HMCN1: variants seen among roughly 807,000 people sequenced by gnomAD.
HMCN1 encodes hemicentin 1, also known as hemicentin-1.
Under a neutral mutation model 625.9 loss-of-function variants are expected in HMCN1, and 321 were observed. The observed-to-expected ratio is 0.51, with a 90% CI of 0.47 to 0.56. The LOEUF is 0.56. HMCN1 is among the 20% of genes least tolerant of loss of function. The pLI is 0.00. For missense variants in HMCN1, 6,588 were observed against 6,887.3 expected, an observed-to-expected ratio of 0.96 and a Z score of 1.54; for synonymous variants, 2,425 against 2,417.6, an observed-to-expected ratio of 1.00 and a Z score of -0.09.
intron 1 of HMCN1, among the ~76,000 whole-genome samples, chr1:185,819,246 A>G (rs1385662423): frequency 6.6e-6 from 1 of 152,084 alleles, no homozygotes; most frequent in Non-Finnish European, 1.5e-5. Context: ...TCAAAAAAAA[A>G]AAAAAGGACC....
Position 186,016,952 on chromosome 1 carries a change from T to C in HMCN1, c.5192-11T>C, listed in dbSNP as rs1314715467. On this transcript the variant is annotated splice_polypyrimidine_tract_variant and intron_variant, in intron 32 of 106. Coordinates refer to ENST00000271588, the MANE Select transcript of HMCN1 (RefSeq NM_031935.3). The stretch of plus-strand genomic sequence containing the variant: ...CATTTCTTTGCATGTTACATTCCTG[T>C]TGTTTTCTAGTGCCACCAGCTATAG... The C allele has an allele frequency of 1.4e-6, 2 of 1,468,560 alleles. No homozygotes were observed. The highest frequency in any genetic ancestry group is 3.4e-5 in the Admixed American group (2 of 59,700). The allele number at this position is 1,468,560 out of a possible 1,614,324, so 91.0% of individuals were successfully genotyped here.
intron 21 of HMCN1, 121 bp downstream of exon 21, chr1:185,989,768 TTC>T: frequency 4.1e-5 from 36 of 874,502 alleles, no homozygotes; most frequent in Non-Finnish European, 5.4e-5. Flanking sequence ...TCCCCCAGAT[TTC>T]TATTTTTTTT....
intron 1 of HMCN1, among the ~76,000 whole-genome samples, chr1:185,811,633 A>T (rs1165798087): frequency 3.3e-5 from 5 of 151,784 alleles, no homozygotes; most frequent in African/African-American, 7.2e-5. Context: ...AGGTGTGTGG[A>T]TTTGTTGGTA....
intron 1 of HMCN1, among the ~76,000 whole-genome samples, chr1:185,799,866 G>A (rs556614270): frequency 6.6e-6 from 1 of 152,304 alleles, no homozygotes; most frequent in Admixed American, 6.5e-5. Flanking sequence ...CAGGTGATGG[G>A]TGGGGCTATG....
intron 2 of HMCN1, among the ~76,000 whole-genome samples, chr1:185,856,617 G>A (rs530281202): frequency 6.6e-6 from 1 of 152,104 alleles, no homozygotes; most frequent in South Asian, 2.1e-4. Context: ...TGAAAAGGAT[G>A]TAGTCTGACT....
intron 71 of HMCN1, among the ~76,000 whole-genome samples, chr1:186,110,427 A>G (rs1163700416): frequency 6.6e-6 from 1 of 152,208 alleles, no homozygotes; most frequent in Non-Finnish European, 1.5e-5. Flanking sequence ...AAGCCAAGGA[A>G]AAGTGGAGGG....
In HMCN1 at chr1:185,780,195, T is replaced by A. The variant is rs550043943; in HGVS notation, c.268+45148T>A. Among the ~76,000 whole-genome samples the A allele has an allele frequency of 3.2e-3, 486 of 152,292 alleles. 1 individual carries two copies. Among genetic ancestry groups the A allele is most frequent in the African/African-American group, 0.011 (467 of 41,560 alleles). ...ATGCTTGTGATTTTTGTGCATTGAT[T>A]TTGTATCCTGAGACTTTGCTGAAGT... On this transcript the variant is annotated intron_variant, in intron 1 of 106. Transcript: ENST00000271588.
rs149901829 is a variant in HMCN1 at position 186,062,595 on chromosome 1, T to A, written c.7508T>A (p.Val2503Glu). ...CAGAGTGTTACGCTGACTTGTGAAG[T>A]GACAGGTATGGGCTCAGCTCTCAGA... ...EKQSVTLTCE[V>E]TGNPVPEITW... Residue 2503 changes from valine to glutamate, a missense_variant, in exon 48 of 107, where the codon GTG (valine) becomes GAG (glutamate). Val to Glu is a moderately radical substitution (Grantham distance 121, BLOSUM62 -2). This residue lies in a region of HMCN1 where 4,628 missense variants were observed against 4,853.1 expected (regional missense o/e 0.95). Coordinates refer to ENST00000271588, the MANE Select transcript of HMCN1 (RefSeq NM_031935.3). The A allele has an allele frequency of 3.1e-6, 5 of 1,606,388 alleles. No individual in the cohort carries two copies. The highest frequency in any genetic ancestry group is 3.4e-6 in the Non-Finnish European group (4 of 1,173,312).
chr1:186,073,133 C>T (rs966689035), intron 52 of HMCN1, among the ~76,000 whole-genome samples: 2 of 152,112 alleles, frequency 1.3e-5, no homozygotes, highest in Non-Finnish European at 2.9e-5. Flanking sequence ...GATTAAGCCT[C>T]AGGGTACTCC....
chr1:186,044,537 A>G (rs1470518020), intron 40 of HMCN1, among the ~76,000 whole-genome samples: 1 of 152,166 alleles, frequency 6.6e-6, no homozygotes, highest in Non-Finnish European at 1.5e-5. Flanking sequence ...ATCTTGCCAC[A>G]TGCTGGTGAA....
In HMCN1 at chr1:186,120,040, G is replaced by T. The variant is rs149097353; in HGVS notation, c.12124G>T (p.Gly4042Cys). 4 of 1,613,802 alleles carry T rather than the reference G, an allele frequency of 2.5e-6. No homozygotes were observed. The highest frequency in any genetic ancestry group is 3.3e-5 in the Admixed American group (2 of 59,974). ...AAACCATGCAGTTCTTCCTAGTGGC[G>T]GCTTACAGATCTCCAGAGCTGTCCG... ...GRNHAVLPSGGLQISRAVRED... is the reference protein window; with the variant it reads ...GRNHAVLPSGCLQISRAVRED... Residue 4042 changes from glycine (G) to cysteine (C), a missense_variant, in exon 80 of 107, where the codon GGC becomes TGC. Coordinates refer to ENST00000271588, the MANE Select transcript of HMCN1 (RefSeq NM_031935.3).
chr1:185,764,515 G>C (rs1263654920), intron 1 of HMCN1, among the ~76,000 whole-genome samples: 3 of 152,054 alleles, frequency 2.0e-5, no homozygotes, highest in African/African-American at 7.2e-5. Context: ...ATTTTCTTTT[G>C]AGTATCACTC....
At chr1:185,741,706 TGG>T (rs768544199) in intron 1 of HMCN1, among the ~76,000 whole-genome samples, 3 of 152,186 alleles carry the variant, frequency 2.0e-5, no homozygotes, top group Non-Finnish European at 4.4e-5. Context: ...AAGAACTAAT[TGG>T]TCACTTAAAA....
At chr1:186,017,470 G>A (rs1558147403) in intron 33 of HMCN1, among the ~76,000 whole-genome samples, 1 of 151,832 alleles carries the variant, frequency 6.6e-6, no homozygotes, top group Admixed American at 6.6e-5. Flanking sequence ...GTTAACATGA[G>A]TATGTGTTTA....
At chr1:186,033,244 A>G (rs1257816098) in intron 36 of HMCN1, among the ~76,000 whole-genome samples, 1 of 152,190 alleles carries the variant, frequency 6.6e-6, no homozygotes, top group Non-Finnish European at 1.5e-5. Context: ...GAGCTAAGCC[A>G]TGAGGATGCA....
At chr1:186,132,459 C>G in intron 86 of HMCN1, 50 bp downstream of exon 86, 1 of 1,334,542 alleles carries the variant, frequency 7.5e-7, no homozygotes, top group Non-Finnish European at 1.1e-6. Flanking sequence ...GAAATATTAC[C>G]TAATAAAGAG....
chr1:186,040,131 T>A (rs1326602496), intron 39 of HMCN1, among the ~76,000 whole-genome samples: 1 of 152,174 alleles, frequency 6.6e-6, no homozygotes, highest in Non-Finnish European at 1.5e-5. Context: ...GTTTTGGATA[T>A]TTGTTGTTTT....
At chr1:185,742,974 A>G (rs1654089071) in intron 1 of HMCN1, among the ~76,000 whole-genome samples, 2 of 152,142 alleles carry the variant, frequency 1.3e-5, no homozygotes, top group Admixed American at 6.5e-5. Context: ...CCAAGAAATG[A>G]TGTTTTTCCC....
intron 11 of HMCN1, among the ~76,000 whole-genome samples, chr1:185,954,864 G>A (rs1033390253): frequency 2.6e-5 from 4 of 152,194 alleles, no homozygotes; most frequent in East Asian, 1.9e-4. Context: ...TTATGGACAT[G>A]TATGTCCATA....
Sources: gnomAD v4.1 joint callset for allele counts (sites outside exome capture counted in the v4.1 genomes callset) on GRCh38, gnomAD v4.1.1 for gene constraint, gnomAD v4.1.1 regional missense constraint, MANE v1.5 for transcripts, NCBI Gene and HGNC (gene_info 2026-07-23, HGNC 2026-07-21) for gene names.